DENND1A: variants seen among roughly 807,000 people sequenced by gnomAD.
The protein encoded by DENND1A is DENN domain containing 1A, also known as DENN domain-containing protein 1A.
Under a neutral mutation model 113.7 loss-of-function variants are expected in DENND1A, and 51 were observed. The observed-to-expected ratio is 0.45, with a 90% confidence interval of 0.36 to 0.57. The LOEUF is 0.57. Among genes scored for constraint, DENND1A ranks in the 20% least tolerant of loss-of-function variants. The pLI is 0.00. For synonymous variants in DENND1A, 565 were observed against 570.8 expected (o/e 0.99, Z 0.14); for missense variants, 1,258 against 1,395.9 (o/e 0.90, Z 1.57).
intron 9 of DENND1A, among the ~76,000 whole-genome samples, chr9:123,641,436 CAAAA>C (rs34664320): frequency 0.024 from 2,754 of 113,432 alleles, 68 homozygotes; most frequent in African/African-American, 0.072. Flanking sequence ...AATGAAATGG[CAAAA>C]AAAAAAAAAA....
At chr9:123,601,969 G>A (rs1269927040) in intron 11 of DENND1A, among the ~76,000 whole-genome samples, 1 of 152,202 alleles carries the variant, frequency 6.6e-6, no homozygotes, top group Non-Finnish European at 1.5e-5. Flanking sequence ...GACAGGTGGG[G>A]ACTCTGCCCA....
chr9:123,661,093 C>G (rs1001009251), intron 8 of DENND1A, among the ~76,000 whole-genome samples: 2 of 152,204 alleles, frequency 1.3e-5, no homozygotes, highest in Admixed American at 6.5e-5. Context: ...GGTGGGCAGG[C>G]ACAGCACCGA....
At chr9:123,523,650 T>A (rs928788528) in intron 13 of DENND1A, among the ~76,000 whole-genome samples, 1 of 152,220 alleles carries the variant, frequency 6.6e-6, no homozygotes, top group Non-Finnish European at 1.5e-5. Context: ...AAACTTACAG[T>A]GGCAGCTTGT....
chr9:123,672,073 T>C (rs1208418299), intron 6 of DENND1A, among the ~76,000 whole-genome samples: 1 of 152,216 alleles, frequency 6.6e-6, no homozygotes, highest in Non-Finnish European at 1.5e-5. Flanking sequence ...ACCCTCTATT[T>C]GATCCTCCCA....
intron 11 of DENND1A, among the ~76,000 whole-genome samples, chr9:123,585,544 C>A (rs780620654): frequency 3.9e-5 from 6 of 152,216 alleles, no homozygotes; most frequent in Non-Finnish European, 8.8e-5. Flanking sequence ...CTGAGATTCA[C>A]AGGGGATTGT....
chr9:123,560,339 C>T (rs2057672737), intron 12 of DENND1A, among the ~76,000 whole-genome samples: 1 of 152,176 alleles, frequency 6.6e-6, no homozygotes, highest in African/African-American at 2.4e-5. Context: ...CAATCCTTTG[C>T]TGTTGATAAA....
intron 8 of DENND1A, among the ~76,000 whole-genome samples, chr9:123,656,685 A>C (rs554586737): frequency 1.1e-4 from 17 of 152,316 alleles, no homozygotes; most frequent in Admixed American, 3.3e-4. Flanking sequence ...TTTCTGTCAA[A>C]CATGGTGTCC....
intron 2 of DENND1A, among the ~76,000 whole-genome samples, chr9:123,823,484 A>C (rs1838824354): frequency 6.6e-6 from 1 of 152,052 alleles, no homozygotes; most frequent in African/African-American, 2.4e-5. Context: ...CAGAGAAGGA[A>C]GCTTGTGCCA....
At chr9:123,493,695 T>TA (rs999246718) in intron 13 of DENND1A, among the ~76,000 whole-genome samples, 1 of 152,150 alleles carries the variant, frequency 6.6e-6, no homozygotes, top group African/African-American at 2.4e-5. Context: ...GGGTCAAATT[T>TA]AGACACTTTG....
intron 2 of DENND1A, among the ~76,000 whole-genome samples, chr9:123,817,961 A>C (rs1308668303): frequency 6.6e-6 from 1 of 151,614 alleles, no homozygotes; most frequent in African/African-American, 2.4e-5. Flanking sequence ...TGGGAGGCGG[A>C]AGTTGCGGTG....
intron 1 of DENND1A, among the ~76,000 whole-genome samples, chr9:123,886,919 C>T (rs757383146): frequency 3.3e-5 from 5 of 152,106 alleles, no homozygotes; most frequent in Non-Finnish European, 5.9e-5. Flanking sequence ...GATATTGCTA[C>T]GAAAAGAGTC....
At chr9:123,708,342 T>A (rs914814120) in intron 5 of DENND1A, among the ~76,000 whole-genome samples, 1 of 152,184 alleles carries the variant, frequency 6.6e-6, no homozygotes, top group East Asian at 1.9e-4. Flanking sequence ...CTATTCTGGA[T>A]AGAGGACTGG....
chr9:123,397,668 G>A (rs1391173121), intron 21 of DENND1A, among the ~76,000 whole-genome samples: 2 of 152,240 alleles, frequency 1.3e-5, no homozygotes, highest in African/African-American at 4.8e-5. Context: ...AGACATGCAG[G>A]ATAAAGACTG....
intron 19 of DENND1A, chr9:123,413,965 G>A (rs1257023919): frequency 1.1e-4 from 107 of 988,994 alleles, no homozygotes; most frequent in Non-Finnish European, 1.2e-4. Flanking sequence ...CCACAATACT[G>A]CTTCTCTTAT....
At chr9:123,682,076 C>T (rs1190589631) in intron 5 of DENND1A, among the ~76,000 whole-genome samples, 1 of 152,206 alleles carries the variant, frequency 6.6e-6, no homozygotes, top group African/African-American at 2.4e-5. Context: ...GTAATTCTTT[C>T]CCCTCATCTT....
At chr9:123,771,988 T>C (rs922310459) in intron 3 of DENND1A, among the ~76,000 whole-genome samples, 1 of 152,082 alleles carries the variant, frequency 6.6e-6, no homozygotes, top group Non-Finnish European at 1.5e-5. Context: ...TCAAACAAGA[T>C]GGTGGTGTGC....
At chr9:123,634,615 C>A (rs1392923940) in intron 9 of DENND1A, among the ~76,000 whole-genome samples, 2 of 152,068 alleles carry the variant, frequency 1.3e-5, no homozygotes, top group East Asian at 3.8e-4. Context: ...GTGTAGTCAA[C>A]AAAGGGATAT....
chr9:123,554,379 T>A (rs951403756), intron 13 of DENND1A, among the ~76,000 whole-genome samples: 1 of 152,118 alleles, frequency 6.6e-6, no homozygotes, highest in Admixed American at 6.6e-5. Context: ...TGATACTACA[T>A]CCAGCTAATT....
intron 2 of DENND1A, among the ~76,000 whole-genome samples, chr9:123,869,611 A>G (rs948440041): frequency 9.8e-5 from 15 of 152,368 alleles, no homozygotes; most frequent in Admixed American, 8.5e-4. Flanking sequence ...TCTAACTAGC[A>G]TGTCAAGTAC....
Sources: gnomAD v4.1 joint callset for allele counts (sites outside exome capture counted in the v4.1 genomes callset) on GRCh38, gnomAD v4.1.1 for gene constraint, MANE v1.5 for transcripts, NCBI Gene and HGNC (gene_info 2026-07-23, HGNC 2026-07-21) for gene names.